Variants in UBE3C observed in about 807,000 individuals in gnomAD.
UBE3C encodes the protein ubiquitin protein ligase E3C.
In UBE3C, 42 loss-of-function variants were observed where a neutral mutation model predicts 129.4. The observed-to-expected ratio is 0.32, with a 90% confidence interval of 0.25 to 0.42. The LOEUF is 0.42. Ranked by LOEUF, UBE3C falls within the 10% of genes least tolerant of loss-of-function variation. The pLI is 1.00. For missense variants in UBE3C, 1,049 were observed against 1,319.1 expected (o/e 0.80, Z 3.17); for synonymous variants, 510 against 492.4 (o/e 1.04, Z -0.47).
At chr7:157,171,320 G>T (rs2116887267) in intron 4 of UBE3C, among the ~76,000 whole-genome samples, 1 of 151,706 alleles carries the variant, frequency 6.6e-6, no homozygotes, top group East Asian at 2.0e-4. Context: ...TAGAGACAGG[G>T]TTTCACCATG....
intron 10 of UBE3C, chr7:157,197,651 T>C: frequency 1.2e-6 from 2 of 1,609,520 alleles, no homozygotes; most frequent in Non-Finnish European, 1.7e-6. Context: ...CTTCTAGCAG[T>C]GTCAGGCTTT....
Position 157,186,869 on chromosome 7 carries a change from G to C in UBE3C, c.1179G>C (p.Glu393Asp), listed in dbSNP as rs780899989. 1 of 1,614,202 alleles carries C rather than the reference G, an allele frequency of 6.2e-7. No homozygotes were observed. Among genetic ancestry groups the C allele is most frequent in the Non-Finnish European group, 8.5e-7 (1 of 1,180,030 alleles). Residue 393 changes from glutamate (E) to aspartate (D), a missense_variant, in exon 10 of 23, where the codon GAG becomes GAC. Glu to Asp is a conservative substitution (Grantham distance 45). Coordinates refer to ENST00000348165, the MANE Select transcript of UBE3C (RefSeq NM_014671.3). ...DGRLSVSYIT[E>D]ECLKKLDTKQ... ...GACTGTCAGTATCATACATAACAGA[G>C]GAATGCCTGAAGAAGCTGGACACAA...
At chr7:157,211,399 T>A (rs1331963440) in intron 13 of UBE3C, among the ~76,000 whole-genome samples, 1 of 152,184 alleles carries the variant, frequency 6.6e-6, no homozygotes, top group Non-Finnish European at 1.5e-5. Context: ...AGATTTTGAT[T>A]GATTTTGTTT....
chr7:157,197,231 C>T (rs1335635257), intron 10 of UBE3C, among the ~76,000 whole-genome samples: 1 of 152,188 alleles, frequency 6.6e-6, no homozygotes, highest in Non-Finnish European at 1.5e-5. Context: ...GGCTGTTAGT[C>T]AATGCTGCAT....
At chr7:157,261,535 A>C (rs948733807) in intron 22 of UBE3C, among the ~76,000 whole-genome samples, 1 of 152,178 alleles carries the variant, frequency 6.6e-6, no homozygotes, top group African/African-American at 2.4e-5. Flanking sequence ...TATATGTTAG[A>C]CATCCAGTTT....
intron 18 of UBE3C, among the ~76,000 whole-genome samples, chr7:157,244,867 A>T (rs2116671962): frequency 6.6e-6 from 1 of 152,298 alleles, no homozygotes; most frequent in African/African-American, 2.4e-5. Context: ...TATTTTTTTC[A>T]TGACAAGTAG....
intron 22 of UBE3C, among the ~76,000 whole-genome samples, chr7:157,265,593 G>A (rs143401608): frequency 5.6e-4 from 85 of 152,320 alleles, no homozygotes; most frequent in African/African-American, 1.6e-3. Flanking sequence ...CGTGCCGCGC[G>A]TGTGCATGGA....
chr7:157,170,350 A>G lies in UBE3C; in HGVS notation c.242A>G (p.Gln81Arg). 2 of 1,562,394 alleles carry G rather than the reference A, an allele frequency of 1.3e-6. No homozygotes were observed. Among genetic ancestry groups the G allele is most frequent in the Non-Finnish European group, 1.7e-6 (2 of 1,159,470 alleles). ...TTTGATCGCTGTGCTACCTTGTCACAGTCCGGGGGCGCTTTTCCCATTGCT... is the reference window on the plus strand; with the variant it reads ...TTTGATCGCTGTGCTACCTTGTCACGGTCCGGGGGCGCTTTTCCCATTGCT... Reference protein sequence around the residue: ...SAFDRCATLSQSGGAFPIANG... With the variant: ...SAFDRCATLSRSGGAFPIANG... Residue 81 changes from glutamine to arginine, a missense_variant, in exon 4 of 23, where the codon CAG becomes CGG. By Grantham distance (43) the Gln-to-Arg change is conservative. Transcript: ENST00000348165.
intron 1 of UBE3C, among the ~76,000 whole-genome samples, chr7:157,156,967 C>G (rs900262083): frequency 6.6e-6 from 1 of 152,074 alleles, no homozygotes; most frequent in Non-Finnish European, 1.5e-5. Flanking sequence ...TAGTTAATGT[C>G]TTCAGTTATA....
intron 17 of UBE3C, among the ~76,000 whole-genome samples, chr7:157,227,714 A>G (rs935233888): frequency 5.9e-5 from 9 of 152,156 alleles, no homozygotes; most frequent in Admixed American, 2.0e-4. Context: ...AAAAAAAGAA[A>G]AAACTACTCC....
chr7:157,217,536 G>A (rs957123636), intron 14 of UBE3C, among the ~76,000 whole-genome samples: 3 of 152,048 alleles, frequency 2.0e-5, no homozygotes, highest in South Asian at 2.1e-4. Context: ...AGTATGATAC[G>A]TTAGTAAAAA....
At chr7:157,185,637 TTGTA>T (rs1335763992) in intron 9 of UBE3C, among the ~76,000 whole-genome samples, 4 of 152,182 alleles carry the variant, frequency 2.6e-5, no homozygotes, top group African/African-American at 7.2e-5. Context: ...CCTAATGTGA[TTGTA>T]TGAGATTTTT....
At chr7:157,201,950 T>C (rs1809297568) in intron 11 of UBE3C, 143 bp downstream of exon 11, 2 of 654,712 alleles carry the variant, frequency 3.1e-6, no homozygotes, top group South Asian at 1.8e-5. Flanking sequence ...ATGGTCTCAG[T>C]TGCACAAAAA....
chr7:157,195,223 T>C (rs371437286), intron 10 of UBE3C, among the ~76,000 whole-genome samples: 1 of 152,164 alleles, frequency 6.6e-6, no homozygotes, highest in Non-Finnish European at 1.5e-5. Flanking sequence ...AGGAAAGATA[T>C]GTGAGGAGCC....
chr7:157,177,403 G>A (rs939049915), intron 5 of UBE3C, among the ~76,000 whole-genome samples: 11 of 152,182 alleles, frequency 7.2e-5, no homozygotes, highest in Non-Finnish European at 1.2e-4. Context: ...TAAACCTGGA[G>A]CTACATCCTA....
chr7:157,176,559 G>A (rs1465516329), intron 5 of UBE3C, among the ~76,000 whole-genome samples: 14 of 152,352 alleles, frequency 9.2e-5, no homozygotes, highest in Admixed American at 7.8e-4. Context: ...ACAGGCGTGA[G>A]CCACCGTGCC....
intron 1 of UBE3C, among the ~76,000 whole-genome samples, chr7:157,143,556 C>T (rs1226670488): frequency 6.6e-6 from 1 of 152,076 alleles, no homozygotes; most frequent in African/African-American, 2.4e-5. Context: ...CTAGCTTAAG[C>T]GTCAAGAAAG....
intron 21 of UBE3C, 143 bp downstream of exon 21, chr7:157,254,453 A>G: frequency 2.7e-6 from 1 of 370,726 alleles, no homozygotes; most frequent in Non-Finnish European, 4.1e-6. Context: ...GCTGGAGTGC[A>G]GTGGCGCGAT....
At chr7:157,260,382 G>A (rs1182685852) in intron 22 of UBE3C, among the ~76,000 whole-genome samples, 1 of 152,158 alleles carries the variant, frequency 6.6e-6, no homozygotes, top group South Asian at 2.1e-4. Context: ...GTCCAGGTTC[G>A]TGTGTGAAGA....
Sources: gnomAD v4.1 joint callset for allele counts (sites outside exome capture counted in the v4.1 genomes callset) on GRCh38, gnomAD v4.1.1 for gene constraint, MANE v1.5 for transcripts, NCBI Gene and HGNC (gene_info 2026-07-23, HGNC 2026-07-21) for gene names.